The following KCNIP4 variants were observed in gnomAD, a reference collection of about 807,000 sequenced individuals.
The protein encoded by KCNIP4 is Kv channel-interacting protein 4.
KCNIP4 carries 12 observed loss-of-function variants against 34.0 expected under a neutral mutation model. That is an observed-to-expected ratio of 0.35 (90% CI 0.23 to 0.57). KCNIP4 has a LOEUF of 0.57. Ranked by LOEUF, KCNIP4 falls within the 20% of genes least tolerant of loss-of-function variation. KCNIP4 has a pLI of 0.83. For missense variants in KCNIP4, 238 were observed against 311.7 expected (o/e 0.76, Z 1.78); for synonymous variants, 124 against 102.2 (o/e 1.21, Z -1.29).
chr4:21,231,409 C>T (rs1158821727), intron 1 of KCNIP4, among the ~76,000 whole-genome samples: 3 of 152,038 alleles, frequency 2.0e-5, no homozygotes, highest in Non-Finnish European at 4.4e-5. Context: ...TCAAATTGTA[C>T]CCAAGGTGCT....
chr4:21,858,585 T>C (rs1352422005), intron 1 of KCNIP4, among the ~76,000 whole-genome samples: 5 of 152,236 alleles, frequency 3.3e-5, no homozygotes. Context: ...AAAGGTTCAC[T>C]GTAATATTAC....
chr4:20,906,970 A>G (rs1441555411), intron 1 of KCNIP4, among the ~76,000 whole-genome samples: 1 of 152,248 alleles, frequency 6.6e-6, no homozygotes, highest in Non-Finnish European at 1.5e-5. Context: ...CCATGAGAAC[A>G]CATTGTTCTG....
rs578020202 is a variant in KCNIP4 at position 21,351,783 on chromosome 4, A to G, written c.62-469074T>C. 1.4e-4 allele frequency among the ~76,000 whole-genome samples: 21 copies of G among 152,312 alleles called. No individual in the cohort carries two copies. The South Asian group carries it at 2.7e-3, about 20-fold the overall frequency. ...ATGAGATTATGACCATCTACAAGCC[A>G]AGGACAAAGGTCCCAGAAGAACTCT... On this transcript the variant is annotated intron_variant, in intron 1 of 8. Transcript: ENST00000382152.
intron 1 of KCNIP4, among the ~76,000 whole-genome samples, chr4:21,078,303 G>A (rs1156822153): frequency 6.6e-6 from 1 of 152,048 alleles, no homozygotes; most frequent in Non-Finnish European, 1.5e-5. Context: ...AGCTTGGGCT[G>A]CTATAACAAA....
At chr4:20,801,695 A>C (rs1420043506) in intron 3 of KCNIP4, among the ~76,000 whole-genome samples, 1 of 152,118 alleles carries the variant, frequency 6.6e-6, no homozygotes, top group Non-Finnish European at 1.5e-5. Context: ...ATATACAAAC[A>C]ATAAAAAGAA....
intron 5 of KCNIP4, among the ~76,000 whole-genome samples, chr4:20,744,937 C>T (rs750096904): frequency 7.9e-5 from 12 of 152,032 alleles, no homozygotes; most frequent in Non-Finnish European, 1.5e-4. Flanking sequence ...ATGACCTGGG[C>T]GAAGTCAGGA....
chr4:21,685,715 G>A (rs995105748), intron 1 of KCNIP4, among the ~76,000 whole-genome samples: 1 of 152,180 alleles, frequency 6.6e-6, no homozygotes, highest in Non-Finnish European at 1.5e-5. Flanking sequence ...AATATATTCT[G>A]ACACAAAAAA....
Position 20,744,949 on chromosome 4 carries a change from G to A in KCNIP4, c.429+4713C>T, listed in dbSNP as rs1295970287. On this transcript the variant is annotated intron_variant, in intron 5 of 8. Transcript: ENST00000382152. ...GCCATGACCTGGGCGAAGTCAGGAAGCACATTTTATCCCTTTGGCCGGACA... is the reference window on the plus strand; with the variant it reads ...GCCATGACCTGGGCGAAGTCAGGAAACACATTTTATCCCTTTGGCCGGACA... 2.6e-5 allele frequency among the ~76,000 whole-genome samples: 4 copies of A among 152,228 alleles called. No individual in the cohort carries two copies. The South Asian group carries it at 8.3e-4, about 32-fold the overall frequency.
At chr4:21,600,134 C>T (rs534491151) in intron 1 of KCNIP4, among the ~76,000 whole-genome samples, 1 of 152,052 alleles carries the variant, frequency 6.6e-6, no homozygotes, top group Non-Finnish European at 1.5e-5. Flanking sequence ...ACTGAAAGGG[C>T]CAGGCTTGGT....
chr4:20,885,680 A>G lies in KCNIP4; in HGVS notation c.62-2971T>C, dbSNP rs192053511. On this transcript the variant is annotated intron_variant, in intron 1 of 8. Coordinates refer to ENST00000382152, the MANE Select transcript of KCNIP4 (RefSeq NM_025221.6). Reference sequence around the variant, plus strand: ...CTCTATCTGGGCAGCAGGCAAAATGAACCCATTGGACAGGTTACAGTATCT... The same window carrying G: ...CTCTATCTGGGCAGCAGGCAAAATGGACCCATTGGACAGGTTACAGTATCT... Among the ~76,000 whole-genome samples, 3 of 152,344 alleles carry G rather than the reference A, an allele frequency of 2.0e-5. No individual in the cohort carries two copies. The East Asian group carries it at 5.8e-4, about 29-fold the overall frequency.
chr4:21,645,228 TCTC>T (rs1337293015), intron 1 of KCNIP4, among the ~76,000 whole-genome samples: 1 of 152,096 alleles, frequency 6.6e-6, no homozygotes, highest in Non-Finnish European at 1.5e-5. Context: ...TACCATTATT[TCTC>T]CTATGTTATA....
intron 1 of KCNIP4, among the ~76,000 whole-genome samples, chr4:21,237,225 T>C (rs1470397742): frequency 6.6e-6 from 1 of 152,176 alleles, no homozygotes; most frequent in Non-Finnish European, 1.5e-5. Context: ...TGCTGGGTGA[T>C]GTGCTAAGGT....
At chr4:21,818,921 C>T (rs1045012736) in intron 1 of KCNIP4, among the ~76,000 whole-genome samples, 6 of 152,108 alleles carry the variant, frequency 3.9e-5, no homozygotes, top group Admixed American at 3.3e-4. Flanking sequence ...AACCAGGAAC[C>T]AGTTTCACAT....
chr4:21,141,947 C>T (rs976023220), intron 1 of KCNIP4, among the ~76,000 whole-genome samples: 23 of 150,776 alleles, frequency 1.5e-4, no homozygotes, highest in Middle Eastern at 3.5e-3. Flanking sequence ...GTCAGAAGTT[C>T]GAGACCAGCC....
intron 1 of KCNIP4, among the ~76,000 whole-genome samples, chr4:21,305,006 G>C (rs1712290116): frequency 6.6e-6 from 1 of 151,670 alleles, no homozygotes; most frequent in South Asian, 2.1e-4. Context: ...GGAAGTTTTT[G>C]TCTCTCTCTT....
At chr4:21,359,959 A>T (rs1225632633) in intron 1 of KCNIP4, among the ~76,000 whole-genome samples, 1 of 152,168 alleles carries the variant, frequency 6.6e-6, no homozygotes, top group Non-Finnish European at 1.5e-5. Context: ...AATGAGATTT[A>T]AATCTGAGAA....
intron 1 of KCNIP4, among the ~76,000 whole-genome samples, chr4:21,516,157 A>T (rs1212349618): frequency 6.6e-6 from 1 of 152,210 alleles, no homozygotes; most frequent in East Asian, 1.9e-4. Flanking sequence ...ATGAGAAGCA[A>T]GGGTGTAGGT....
chr4:21,125,215 T>TATTTTATTTTA (rs1375473913), intron 1 of KCNIP4, among the ~76,000 whole-genome samples: 2 of 148,264 alleles, frequency 1.3e-5, no homozygotes, highest in Admixed American at 1.4e-4. Flanking sequence ...TATTTTATTT[T>TATTTTATTTTA]ATTTTATTTT....
intron 1 of KCNIP4, among the ~76,000 whole-genome samples, chr4:21,501,774 C>A (rs879533543): frequency 6.7e-6 from 1 of 149,974 alleles, no homozygotes; most frequent in African/African-American, 2.5e-5. Flanking sequence ...ATGAACATCA[C>A]CAAGGTTAAC....
Sources: allele counts gnomAD v4.1 joint callset (sites outside exome capture counted in the v4.1 genomes callset), GRCh38; gene constraint gnomAD v4.1.1; transcripts MANE v1.5; gene names NCBI Gene and HGNC (gene_info 2026-07-23, HGNC 2026-07-21).